PKNOX2: variants seen among roughly 807,000 people sequenced by gnomAD.
PKNOX2 encodes PBX/knotted 1 homeobox 2, also known as homeobox protein PKNOX2.
Under a neutral mutation model 53.1 loss-of-function variants are expected in PKNOX2, and 14 were observed. The ratio of observed to expected loss-of-function variants is 0.26; its 90% CI spans 0.17 to 0.41. The LOEUF (loss-of-function observed/expected upper bound fraction) is 0.41. Among genes scored for constraint, PKNOX2 ranks in the 10% least tolerant of loss-of-function variants. The pLI is 1.00. For missense variants in PKNOX2, 496 were observed against 602.8 expected (o/e 0.82, Z 1.85); for synonymous variants, 257 against 242.8 (o/e 1.06, Z -0.54).
chr11:125,181,438 G>A (rs1306426070), intron 1 of PKNOX2, among the ~76,000 whole-genome samples: 1 of 152,050 alleles, frequency 6.6e-6, no homozygotes, highest in Non-Finnish European at 1.5e-5. Context: ...GATAGCAGGA[G>A]AGAGGCTTTG....
At chr11:125,196,942 C>A (rs1937768795) in intron 1 of PKNOX2, among the ~76,000 whole-genome samples, 1 of 152,126 alleles carries the variant, frequency 6.6e-6, no homozygotes, top group Admixed American at 6.5e-5. Context: ...AAGGTACTTC[C>A]CTGGGATCAC....
intron 1 of PKNOX2, among the ~76,000 whole-genome samples, chr11:125,231,253 T>C (rs948046253): frequency 3.9e-5 from 6 of 152,214 alleles, no homozygotes; most frequent in South Asian, 4.1e-4. Context: ...ATATGTTTCA[T>C]AGATGCCTGC....
intron 2 of PKNOX2, among the ~76,000 whole-genome samples, chr11:125,261,326 C>T (rs1274174859): frequency 6.6e-6 from 1 of 152,174 alleles, no homozygotes; most frequent in Non-Finnish European, 1.5e-5. Flanking sequence ...GGGATGGTTT[C>T]ATAGATCTGG....
Position 125,430,056 on chromosome 11 carries a change from C to G in PKNOX2, c.1107C>G (p.His369Gln). The G allele has an allele frequency of 6.2e-7, 1 of 1,614,210 alleles. No homozygotes were observed. The highest frequency in any genetic ancestry group is 1.1e-5 in the South Asian group (1 of 91,086). ...AAGCCAAGAAGATCAAGTCTCAGCACCGGCCCACCCAAAGATTCTGGCCCA... is the reference window on the plus strand; with the variant it reads ...AAGCCAAGAAGATCAAGTCTCAGCAGCGGCCCACCCAAAGATTCTGGCCCA... ...APKAKKIKSQ[H>Q]RPTQRFWPNS... Residue 369 changes from histidine (H) to glutamine (Q), a missense_variant, in exon 12 of 13, where the codon CAC (histidine) becomes CAG (glutamine). Transcript: ENST00000298282.
intron 2 of PKNOX2, among the ~76,000 whole-genome samples, chr11:125,236,935 T>TA (rs1183469828): frequency 6.6e-6 from 1 of 152,162 alleles, no homozygotes; most frequent in Admixed American, 6.5e-5. Context: ...CTAGGCTATG[T>TA]AAAAAATCAC....
chr11:125,413,159 C>T (rs1955664101), intron 10 of PKNOX2, among the ~76,000 whole-genome samples: 1 of 152,210 alleles, frequency 6.6e-6, no homozygotes. Context: ...CTAGTCTGAA[C>T]ACCTACAGTT....
chr11:125,416,469 G>T (rs1955892765), intron 10 of PKNOX2, among the ~76,000 whole-genome samples: 1 of 151,894 alleles, frequency 6.6e-6, no homozygotes, highest in Non-Finnish European at 1.5e-5. Flanking sequence ...TGGGCCTCAA[G>T]ACTTTTGAAA....
chr11:125,311,787 A>G (rs190274369), intron 2 of PKNOX2, among the ~76,000 whole-genome samples: 1,610 of 152,278 alleles, frequency 0.011, 15 homozygotes, highest in African/African-American at 0.027. Flanking sequence ...GCCCTCAAAT[A>G]AACTCATCAG....
At chr11:125,386,539 G>A (rs1349188733) in intron 6 of PKNOX2, among the ~76,000 whole-genome samples, 1 of 152,108 alleles carries the variant, frequency 6.6e-6, no homozygotes, top group Non-Finnish European at 1.5e-5. Flanking sequence ...CTTTATTTTT[G>A]TGGGTGGATT....
At chr11:125,322,732 G>A (rs1265996867) in intron 2 of PKNOX2, among the ~76,000 whole-genome samples, 5 of 152,188 alleles carry the variant, frequency 3.3e-5, no homozygotes, top group Non-Finnish European at 7.3e-5. Flanking sequence ...CCCCCAGAGT[G>A]TGCAGGTCAC....
intron 2 of PKNOX2, among the ~76,000 whole-genome samples, chr11:125,312,568 C>A (rs954343329): frequency 6.6e-6 from 1 of 152,154 alleles, no homozygotes; most frequent in Non-Finnish European, 1.5e-5. Context: ...AGGGCCGGGG[C>A]AGCGGGTGCT....
chr11:125,354,449 T>G (rs959607515), intron 4 of PKNOX2, among the ~76,000 whole-genome samples: 2 of 152,182 alleles, frequency 1.3e-5, no homozygotes, highest in African/African-American at 4.8e-5. Flanking sequence ...GAAACCCAGT[T>G]TCTTCCACAG....
intron 4 of PKNOX2, among the ~76,000 whole-genome samples, chr11:125,364,131 T>A (rs1219320532): frequency 6.6e-6 from 1 of 152,154 alleles, no homozygotes; most frequent in Non-Finnish European, 1.5e-5. Context: ...GCTATCCCCA[T>A]CCTCCTGGCC....
At chr11:125,406,783 T>C (rs1387387374) in intron 7 of PKNOX2, among the ~76,000 whole-genome samples, 1 of 152,016 alleles carries the variant, frequency 6.6e-6, no homozygotes, top group Admixed American at 6.5e-5. Flanking sequence ...GACATTAAAA[T>C]GGAACAGCGT....
At chr11:125,199,075 A>G (rs1938126278) in intron 1 of PKNOX2, among the ~76,000 whole-genome samples, 1 of 151,994 alleles carries the variant, frequency 6.6e-6, no homozygotes. Context: ...TCCTAGCCTC[A>G]AGTTATCTGC....
chr11:125,201,263 C>CG (rs1295607214), intron 1 of PKNOX2, among the ~76,000 whole-genome samples: 5 of 152,116 alleles, frequency 3.3e-5, no homozygotes, highest in African/African-American at 1.2e-4. Flanking sequence ...AGGAGACATG[C>CG]GGGAGCTCTG....
chr11:125,390,047 C>T (rs1209088447), intron 6 of PKNOX2, among the ~76,000 whole-genome samples: 1 of 152,186 alleles, frequency 6.6e-6, no homozygotes. Context: ...GCCACTTTGG[C>T]CTTCAGTCCG....
rs112661411 is a variant in PKNOX2, at chr11:125,334,773, A to ATTT, written c.-23+2857_-23+2859dup. The stretch of plus-strand genomic sequence containing the variant: ...ACCTCCATGCTGGACTGATTTTTGT[A>ATTT]TTTTTTTTTTTAAAGAGATAGTGTT... On this transcript the variant is annotated intron_variant, in intron 3 of 12. Coordinates refer to ENST00000298282, the MANE Select transcript of PKNOX2 (RefSeq NM_001382323.2). 4.1e-3 allele frequency among the ~76,000 whole-genome samples: 600 copies of ATTT among 145,214 alleles called. 5 individuals carry two copies. The highest frequency in any genetic ancestry group is 0.014 in the African/African-American group (541 of 39,858).
At chr11:125,248,896 T>C (rs1943775074) in intron 2 of PKNOX2, among the ~76,000 whole-genome samples, 1 of 132,548 alleles carries the variant, frequency 7.5e-6, no homozygotes, top group South Asian at 2.3e-4. Context: ...ACATATATAA[T>C]ATATATAACG....
Sources: allele counts gnomAD v4.1 joint callset (sites outside exome capture counted in the v4.1 genomes callset), GRCh38; gene constraint gnomAD v4.1.1; transcripts MANE v1.5; gene names NCBI Gene and HGNC (gene_info 2026-07-23, HGNC 2026-07-21).